The following ADAM10 variants were observed in gnomAD, a reference collection of about 807,000 sequenced individuals.
ADAM10 encodes the protein ADAM metallopeptidase domain 10.
A neutral mutation model predicts 90.1 loss-of-function variants in ADAM10; 17 were observed. The ratio of observed to expected loss-of-function variants is 0.19; its 90% CI spans 0.13 to 0.28. ADAM10 has a LOEUF of 0.28. Ranked by LOEUF, ADAM10 falls within the 10% of genes least tolerant of loss-of-function variation. ADAM10 has a pLI of 1.00. For missense variants in ADAM10, 610 were observed against 914.3 expected (o/e 0.67, Z 4.29); for synonymous variants, 310 against 298.6 (o/e 1.04, Z -0.40).
chr15:58,655,704 ATATATAG>A (rs1220145638), intron 5 of ADAM10, among the ~76,000 whole-genome samples: 10 of 58,436 alleles, frequency 1.7e-4, no homozygotes, highest in Middle Eastern at 6.0e-3. Flanking sequence ...TAGTATATAT[ATATATAG>A]TATATATATA....
chr15:58,610,137 G>T, intron 14 of ADAM10, 160 bp downstream of exon 14: 1 of 716,350 alleles, frequency 1.4e-6, no homozygotes, highest in Admixed American at 2.1e-5. Context: ...ACTTCAGAAG[G>T]AAATAATAAC....
At chr15:58,650,474 G>C (rs1315564960) in intron 5 of ADAM10, among the ~76,000 whole-genome samples, 1 of 152,080 alleles carries the variant, frequency 6.6e-6, no homozygotes, top group Non-Finnish European at 1.5e-5. Context: ...CTTATTCTTA[G>C]GGAGTAGTCC....
chr15:58,664,342 T>C (rs969712095), intron 5 of ADAM10, among the ~76,000 whole-genome samples: 15 of 152,110 alleles, frequency 9.9e-5, no homozygotes, highest in African/African-American at 2.7e-4. Flanking sequence ...AATCTCCACA[T>C]ATTCCCAGAA....
At chr15:58,745,693 A>C (rs1299554816) in intron 1 of ADAM10, among the ~76,000 whole-genome samples, 1 of 152,194 alleles carries the variant, frequency 6.6e-6, no homozygotes, top group East Asian at 1.9e-4. Flanking sequence ...TACAAGATAA[A>C]GCTAAGGCAG....
intron 4 of ADAM10, among the ~76,000 whole-genome samples, chr15:58,668,738 T>C (rs149302192): frequency 2.0e-5 from 3 of 152,266 alleles, no homozygotes; most frequent in African/African-American, 7.2e-5. Flanking sequence ...AGGTTTTTAA[T>C]CTTCAGGGGA....
intron 8 of ADAM10, among the ~76,000 whole-genome samples, chr15:58,639,383 T>A (rs1318726137): frequency 6.6e-6 from 1 of 152,208 alleles, no homozygotes; most frequent in Non-Finnish European, 1.5e-5. Context: ...TAATGGATAA[T>A]ATACAAATAA....
At chr15:58,697,717 C>G (rs1567000665) in intron 2 of ADAM10, among the ~76,000 whole-genome samples, 1 of 152,144 alleles carries the variant, frequency 6.6e-6, no homozygotes, top group African/African-American at 2.4e-5. Flanking sequence ...CCAACCACTG[C>G]CCCTACCAAC....
At chr15:58,715,265 T>C (rs535781660) in intron 2 of ADAM10, among the ~76,000 whole-genome samples, 1 of 151,870 alleles carries the variant, frequency 6.6e-6, no homozygotes, top group African/African-American at 2.4e-5. Flanking sequence ...CTACTAAAAA[T>C]ACAAAAATTA....
chr15:58,608,936 T>C (rs1280969579), intron 14 of ADAM10, among the ~76,000 whole-genome samples: 5 of 152,180 alleles, frequency 3.3e-5, no homozygotes, highest in South Asian at 4.1e-4. Context: ...AGATCTCCTT[T>C]CGTTTTCTGT....
chr15:58,650,540 T>G (rs1470592982), intron 5 of ADAM10, among the ~76,000 whole-genome samples: 1 of 152,176 alleles, frequency 6.6e-6, no homozygotes, highest in African/African-American at 2.4e-5. Flanking sequence ...ATTTTCATCC[T>G]CAGCCTCATG....
chr15:58,743,475 T>A (rs1426521819), intron 1 of ADAM10, among the ~76,000 whole-genome samples: 4 of 152,202 alleles, frequency 2.6e-5, no homozygotes, highest in Non-Finnish European at 5.9e-5. Flanking sequence ...GACAAGAAAT[T>A]TAACTTTATA....
intron 10 of ADAM10, among the ~76,000 whole-genome samples, chr15:58,627,343 T>C (rs1895976925): frequency 6.6e-6 from 1 of 152,086 alleles, no homozygotes; most frequent in Non-Finnish European, 1.5e-5. Context: ...GATAGGTAGT[T>C]TACAAAGGTA....
intron 5 of ADAM10, among the ~76,000 whole-genome samples, chr15:58,655,687 T>TAGTATA (rs57182110): frequency 1.5e-4 from 12 of 80,294 alleles, no homozygotes; most frequent in African/African-American, 6.9e-4. Flanking sequence ...CATATATATA[T>TAGTATA]TATATATAGT....
At chr15:58,727,061 T>C (rs1899054818) in intron 1 of ADAM10, among the ~76,000 whole-genome samples, 1 of 151,662 alleles carries the variant, frequency 6.6e-6, no homozygotes. Context: ...GGCTGGAGTG[T>C]GGTGACGTGA....
At chr15:58,601,114 G>A (rs375620941) in intron 14 of ADAM10, among the ~76,000 whole-genome samples, 1 of 152,206 alleles carries the variant, frequency 6.6e-6, no homozygotes, top group Non-Finnish European at 1.5e-5. Flanking sequence ...TATTTTGAAA[G>A]AGTCTCAAAC....
In ADAM10 at chr15:58,603,876, TAAAA is replaced by T. The variant is rs34718794; in HGVS notation, c.2026-4156_2026-4153del. 6.3e-3 allele frequency among the ~76,000 whole-genome samples: 455 copies of T among 72,052 alleles called. 5 individuals are homozygous for T. The highest frequency in any genetic ancestry group is 0.023 in the African/African-American group (437 of 18,728). 47.3% of individuals were successfully genotyped at this position (72,052 alleles called of 152,430 possible). On this transcript the variant is annotated intron_variant, in intron 14 of 15. Transcript: ENST00000260408. ...CCTAGAAAGATTGGGGGTCCAGGGT[TAAAA>T]AAAAAAAAAAAAAAAAAAAAGGCCT...
At chr15:58,717,758 T>G in intron 1 of ADAM10, 31 bp from the exon 2 acceptor site, 1 of 1,599,590 alleles carries the variant, frequency 6.3e-7, no homozygotes, top group Non-Finnish European at 8.5e-7. Flanking sequence ...TCTGAATTAG[T>G]ATCATCTTGA....
At chr15:58,668,656 C>G (rs751743960) in intron 4 of ADAM10, among the ~76,000 whole-genome samples, 1 of 152,050 alleles carries the variant, frequency 6.6e-6, no homozygotes, top group Non-Finnish European at 1.5e-5. Flanking sequence ...ATGCACTACC[C>G]CAGGGCTTTG....
At chr15:58,653,377 T>C (rs1411278009) in intron 5 of ADAM10, among the ~76,000 whole-genome samples, 1 of 152,200 alleles carries the variant, frequency 6.6e-6, no homozygotes, top group Non-Finnish European at 1.5e-5. Flanking sequence ...TTTTATTATG[T>C]TGAGATACGT....
Sources: allele counts gnomAD v4.1 joint callset (sites outside exome capture counted in the v4.1 genomes callset), GRCh38; gene constraint gnomAD v4.1.1; transcripts MANE v1.5; gene names NCBI Gene and HGNC (gene_info 2026-07-23, HGNC 2026-07-21).